NR2F1: variants seen among roughly 807,000 people sequenced by gnomAD.
The protein encoded by NR2F1 is nuclear receptor subfamily 2 group F member 1, also known as COUP transcription factor 1.
NR2F1 carries 1 observed loss-of-function variant against 37.7 expected under a neutral mutation model. The ratio of observed to expected loss-of-function variants is 0.03; its 90% CI spans 0.01 to 0.13. The LOEUF is 0.13. Among genes scored for constraint, NR2F1 ranks in the 10% least tolerant of loss-of-function variants. NR2F1 has a pLI of 1.00. For missense variants in NR2F1, 268 were observed against 578.4 expected (o/e 0.46, Z 5.50); for synonymous variants, 275 against 259.6 (o/e 1.06, Z -0.57).
At chr5:93,586,683 A>G (rs1753239632) in intron 1 of NR2F1, among the ~76,000 whole-genome samples, 2 of 152,120 alleles carry the variant, frequency 1.3e-5, no homozygotes, top group South Asian at 4.1e-4. Flanking sequence ...GACAAATATG[A>G]CTACTTCATT....
intron 1 of NR2F1, chr5:93,587,252 A>C (rs1318247266): frequency 6.6e-6 from 1 of 152,180 alleles, no homozygotes; most frequent in African/African-American, 2.4e-5. Flanking sequence ...CTGTAAGTTC[A>C]ACTTTTTTTC....
At position 93,587,548 on chromosome 5, in the gene NR2F1, AT is replaced by A. The variant is rs59902398; in HGVS notation, c.464-359del. The A allele has an allele frequency of 5.2e-3, 1,073 of 207,474 alleles. 7 individuals are homozygous for A. The highest frequency in any genetic ancestry group is 0.018 in the African/African-American group (765 of 43,054). The allele number at this position is 207,474 out of a possible 1,614,324, so 12.9% of individuals were successfully genotyped here. On this transcript the variant is annotated intron_variant, in intron 1 of 2. Coordinates refer to ENST00000327111, the MANE Select transcript of NR2F1 (RefSeq NM_005654.6). ...CCGGTTTCGCCTTTTTTTAACCCTG[AT>A]TTTTTTTTTCCATTCTGGAGGGGTG...
intron 1 of NR2F1, chr5:93,587,561 A>G (rs1753253999): frequency 4.5e-6 from 1 of 223,722 alleles, no homozygotes; most frequent in Non-Finnish European, 8.4e-6. Context: ...TTTTTTTTCC[A>G]TTCTGGAGGG....
intron 2 of NR2F1, among the ~76,000 whole-genome samples, chr5:93,592,538 G>C (rs546450751): frequency 7.9e-5 from 12 of 152,100 alleles, no homozygotes; most frequent in African/African-American, 2.7e-4. Context: ...GGACCAAGAA[G>C]GGCCTTGGTT....
chr5:93,583,619 T>G lies in NR2F1; in HGVS notation c.-1405T>G, dbSNP rs1387706243. ...TATATGATTTTTTTTGGAGGGAGGG[T>G]GTTGGTTGCCGGCTGAAGAGCACTT... On this transcript the variant is annotated 5_prime_UTR_variant, in exon 1 of 3. Coordinates refer to ENST00000327111, the MANE Select transcript of NR2F1 (RefSeq NM_005654.6). 6.6e-6 allele frequency: 1 copy of G among 151,054 alleles called. No homozygotes were observed. The highest frequency in any genetic ancestry group is 1.5e-5 in the Non-Finnish European group (1 of 67,834). The allele number at this position is 151,054 out of a possible 1,614,324, so 9.4% of individuals were successfully genotyped here. A position where few individuals can be genotyped will look rare whatever the true frequency, so the allele number is the denominator to read the frequency against.
chr5:93,594,133 A>C lies in NR2F1; in HGVS notation c.*291A>C. 6 of 366,662 alleles carry C rather than the reference A, an allele frequency of 1.6e-5. No individual in the cohort carries two copies. The highest frequency in any genetic ancestry group is 9.9e-6 in the Non-Finnish European group (2 of 202,810). 22.7% of individuals were successfully genotyped at this position (366,662 alleles called of 1,614,324 possible). A position where few individuals can be genotyped will look rare whatever the true frequency, so the allele number is the denominator to read the frequency against. ...TGTCTGGTGAAAAAAAGAAAAACAAATTGGAAGAGAGGACCATGAGAATTT... is the reference window on the plus strand; with the variant it reads ...TGTCTGGTGAAAAAAAGAAAAACAACTTGGAAGAGAGGACCATGAGAATTT... On this transcript the variant is annotated 3_prime_UTR_variant, in exon 3 of 3. Coordinates refer to ENST00000327111, the MANE Select transcript of NR2F1 (RefSeq NM_005654.6).
rs1753190571 is a variant in NR2F1 at position 93,584,606 on chromosome 5, G to C, written c.-418G>C. 6.8e-6 allele frequency: 1 copy of C among 147,882 alleles called. No homozygotes were observed. Among genetic ancestry groups the C allele is most frequent in the African/African-American group, 2.5e-5 (1 of 40,728 alleles). 9.2% of individuals were successfully genotyped at this position (147,882 alleles called of 1,614,324 possible). A position where few individuals can be genotyped will look rare whatever the true frequency, so the allele number is the denominator to read the frequency against. ...GGAAGAAGAAAAAAGCGAGAGAAGG[G>C]AGCTTGCTCGCCGGGGGGTGGGGAG... On this transcript the variant is annotated 5_prime_UTR_variant, in exon 1 of 3. Transcript: ENST00000327111.
At position 93,584,966 on chromosome 5, in the gene NR2F1, G is replaced by T; in HGVS notation, c.-58G>T. 1.3e-6 allele frequency: 1 copy of T among 759,464 alleles called. No individual in the cohort carries two copies. The highest frequency in any genetic ancestry group is 1.6e-6 in the Non-Finnish European group (1 of 632,570). 47.0% of individuals were successfully genotyped at this position (759,464 alleles called of 1,614,324 possible). On this transcript the variant is annotated 5_prime_UTR_variant, in exon 1 of 3. Transcript: ENST00000327111. ...CCTTCCCCTCCCAGCGCGCCCGCGCGCCCCGCGGCCCTCGGCGAGCAGCTC... is the reference window on the plus strand; with the variant it reads ...CCTTCCCCTCCCAGCGCGCCCGCGCTCCCCGCGGCCCTCGGCGAGCAGCTC...
In NR2F1 at chr5:93,588,452, TGCG is replaced by T. The variant is rs1391726879; in HGVS notation, c.991+10_991+12del. 1 of 1,557,116 alleles carries T rather than the reference TGCG, an allele frequency of 6.4e-7. No homozygotes were observed. Among genetic ancestry groups the T allele is most frequent in the East Asian group, 2.3e-5 (1 of 42,794 alleles). Reference sequence around the variant, plus strand: ...TCGTGCTGTTCACGTCAGGTGAGGCTGCGGTCGCGGGGAGGGCAGGCCGCGCCG... The same window carrying T: ...TCGTGCTGTTCACGTCAGGTGAGGCTGTCGCGGGGAGGGCAGGCCGCGCCG... On this transcript the variant is annotated intron_variant, in intron 2 of 2. Coordinates refer to ENST00000327111, the MANE Select transcript of NR2F1 (RefSeq NM_005654.6).
intron 2 of NR2F1, among the ~76,000 whole-genome samples, chr5:93,589,396 A>T (rs967731753): frequency 5.3e-5 from 8 of 152,144 alleles, no homozygotes; most frequent in Admixed American, 2.6e-4. Flanking sequence ...GTAACCTGTA[A>T]GAGGGAAACA....
At chr5:93,586,371 A>G (rs1439753480) in intron 1 of NR2F1, among the ~76,000 whole-genome samples, 1 of 152,200 alleles carries the variant, frequency 6.6e-6, no homozygotes, top group Non-Finnish European at 1.5e-5. Context: ...ATGAGCTTCC[A>G]CATCATTTAA....
chr5:93,590,479 G>T (rs1039679317), intron 2 of NR2F1, among the ~76,000 whole-genome samples: 1 of 152,132 alleles, frequency 6.6e-6, no homozygotes, highest in African/African-American at 2.4e-5. Context: ...TTCCAAGGAA[G>T]TTTCTTGAAT....
chr5:93,594,217 A>G lies in NR2F1; in HGVS notation c.*375A>G, dbSNP rs530874036. 1 of 233,020 alleles carries G rather than the reference A, an allele frequency of 4.3e-6. No homozygotes were observed. The highest frequency in any genetic ancestry group is 1.2e-4 in the East Asian group (1 of 8,520). 14.4% of individuals were successfully genotyped at this position (233,020 alleles called of 1,614,324 possible). A position where few individuals can be genotyped will look rare whatever the true frequency, so the allele number is the denominator to read the frequency against. ...GGATTTATTGTGGACGGATGTGGATATATTCTGTACAGGAACAACACATAT... is the reference window on the plus strand; with the variant it reads ...GGATTTATTGTGGACGGATGTGGATGTATTCTGTACAGGAACAACACATAT... On this transcript the variant is annotated 3_prime_UTR_variant, in exon 3 of 3. Coordinates refer to ENST00000327111, the MANE Select transcript of NR2F1 (RefSeq NM_005654.6).
intron 1 of NR2F1, among the ~76,000 whole-genome samples, chr5:93,586,534 A>C (rs1295850719): frequency 6.6e-6 from 1 of 152,244 alleles, no homozygotes; most frequent in Non-Finnish European, 1.5e-5. Context: ...CTTGACAATC[A>C]TTAAAGATGT....
intron 2 of NR2F1, among the ~76,000 whole-genome samples, chr5:93,590,816 T>C (rs1398940216): frequency 6.6e-6 from 1 of 152,250 alleles, no homozygotes; most frequent in Non-Finnish European, 1.5e-5. Context: ...TTTTCACATT[T>C]GGCCTCCGGA....
In NR2F1 at chr5:93,583,987, G is replaced by C. The variant is rs1027285880; in HGVS notation, c.-1037G>C. ...AGCAAAGTGTGTGATCTTCCTCGCC[G>C]GCTGCCTCCCGCTCTCCAGCGCTGC... is the stretch of plus-strand genomic sequence containing the variant. On this transcript the variant is annotated 5_prime_UTR_variant, in exon 1 of 3. Transcript: ENST00000327111. The C allele has an allele frequency of 1.3e-5, 2 of 152,238 alleles. No homozygotes were observed. Among genetic ancestry groups the C allele is most frequent in the South Asian group, 2.1e-4 (1 of 4,810 alleles). The allele number at this position is 152,238 out of a possible 1,614,324, so 9.4% of individuals were successfully genotyped here.
In NR2F1 at chr5:93,593,647, G is replaced by A. The variant is rs756887222; in HGVS notation, c.1077G>A (p.Gln359=). The A allele has an allele frequency of 5.6e-6, 9 of 1,614,078 alleles. No homozygotes were observed. The East Asian group carries it at 1.6e-4, about 28-fold the overall frequency. ...QCALEEYVRS[Q]YPNQPSRFGK... ...CACTGGAGGAGTACGTGAGGAGCCA[G>A]TACCCCAACCAGCCCAGCCGTTTTG... is the stretch of plus-strand genomic sequence containing the variant. The change falls in exon 3 of 3, where the codon CAG becomes CAA. Residue 359 remains glutamine (Q), a synonymous_variant. Transcript: ENST00000327111. This position sits in a 1 kb window ranked among gnomAD's most constrained non-coding sequence, Gnocchi z 5.6.
chr5:93,589,556 T>C (rs748315390), intron 2 of NR2F1, among the ~76,000 whole-genome samples: 5 of 152,258 alleles, frequency 3.3e-5, no homozygotes, highest in Non-Finnish European at 7.3e-5. Flanking sequence ...ATTGGCAGTA[T>C]TGTTTTTAAT....
chr5:93,593,034 T>G lies in NR2F1; in HGVS notation c.992-528T>G, dbSNP rs1249721819. 6.6e-6 allele frequency among the ~76,000 whole-genome samples: 1 copy of G among 152,104 alleles called. No individual in the cohort carries two copies. The highest frequency in any genetic ancestry group is 1.5e-5 in the Non-Finnish European group (1 of 68,016). ...CAATCTAGGTTCTCCTGGAGGTTTC[T>G]GGTTGGGGTGGTTTGGGTTTGAGAG... is the stretch of plus-strand genomic sequence containing the variant. On this transcript the variant is annotated intron_variant, in intron 2 of 2. Transcript: ENST00000327111. This position sits in a 1 kb window ranked among gnomAD's most constrained non-coding sequence, Gnocchi z 5.6.
Sources: gnomAD v4.1 joint callset for allele counts (sites outside exome capture counted in the v4.1 genomes callset) on GRCh38, gnomAD v4.1.1 for gene constraint, Gnocchi (gnomAD v3.1) non-coding constraint, MANE v1.5 for transcripts, NCBI Gene and HGNC (gene_info 2026-07-23, HGNC 2026-07-21) for gene names.